TBX10: variants seen among roughly 807,000 people sequenced by gnomAD.
The protein encoded by TBX10 is T-box transcription factor 10, also known as T-box transcription factor TBX10.
Under a neutral mutation model 32.4 loss-of-function variants are expected in TBX10, and 26 were observed. The ratio of observed to expected loss-of-function variants is 0.80; its 90% confidence interval spans 0.59 to 1.11. The LOEUF is 1.11. Ranked by LOEUF, TBX10 falls within the 50% of genes most tolerant of loss-of-function variation. TBX10 has a pLI of 0.00. For missense variants in TBX10, 490 were observed against 494.5 expected, an observed-to-expected ratio of 0.99 and a Z score of 0.09; for synonymous variants, 195 against 203.1, an observed-to-expected ratio of 0.96 and a Z score of 0.34.
Position 67,633,052 on chromosome 11 carries a change from C to T in TBX10, c.601G>A (p.Val201Met), listed in dbSNP as rs376880264. 23 of 1,614,018 alleles carry T rather than the reference C, an allele frequency of 1.4e-5. No individual in the cohort carries two copies. The highest frequency in any genetic ancestry group is 2.7e-5 in the African/African-American group (2 of 74,930). Reference sequence around the variant, plus strand: ...CGCTCACTGTCCTTGCGTGGGTCCACGAAGACCACGTGGAAACGGGGCTGG... The same window carrying T: ...CGCTCACTGTCCTTGCGTGGGTCCATGAAGACCACGTGGAAACGGGGCTGG... ...RYQPRFHVVFVDPRKDSERYA... is the reference protein window; with the variant it reads ...RYQPRFHVVFMDPRKDSERYA... Residue 201 changes from valine to methionine, a missense_variant, in exon 5 of 8, where the codon GTG becomes ATG. Transcript: ENST00000335385.
At chr11:67,634,501 A>G in intron 3 of TBX10, 141 bp from the exon 4 acceptor site, 3 of 1,050,742 alleles carry the variant, frequency 2.9e-6, no homozygotes, top group Admixed American at 2.1e-5. Context: ...CCAAGGCTCA[A>G]GAGAATCCTG....
Position 67,639,541 on chromosome 11 carries a change from A to G in TBX10, c.-69T>C, listed in dbSNP as rs1855376115. 1.9e-6 allele frequency: 3 copies of G among 1,607,350 alleles called. No homozygotes were observed. Among genetic ancestry groups the G allele is most frequent in the Non-Finnish European group, 2.5e-6 (3 of 1,176,504 alleles). On this transcript the variant is annotated 5_prime_UTR_variant, in exon 1 of 8. Transcript: ENST00000335385. ...CTGGGGCTGGGAACCTGCCTGCTGG[A>G]AGGGGTGGTCACCACTCGTCCACTC...
At position 67,631,446 on chromosome 11, in the gene TBX10, C is replaced by A; in HGVS notation, c.*159G>T. On this transcript the variant is annotated 3_prime_UTR_variant, in exon 8 of 8. Transcript: ENST00000335385. ...GGTTCCAAGCTTGCCATGGTCCCAG[C>A]CTTGCTGTGACCCTGGGCAGGTAGC... 1 of 928,972 alleles carries A rather than the reference C, an allele frequency of 1.1e-6. No homozygotes were observed. The highest frequency in any genetic ancestry group is 1.6e-6 in the Non-Finnish European group (1 of 620,980). 57.5% of individuals were successfully genotyped at this position (928,972 alleles called of 1,614,324 possible). A position where few individuals can be genotyped will look rare whatever the true frequency, so the allele number is the denominator to read the frequency against.
At chr11:67,632,441 G>C (rs754427865) in intron 6 of TBX10, 29 bp from the exon 7 acceptor site, 1 of 1,604,646 alleles carries the variant, frequency 6.2e-7, no homozygotes, top group South Asian at 1.1e-5. Flanking sequence ...ATGGGGGGAG[G>C]GGATCAAGGG....
At chr11:67,635,423 G>A (rs1218933545) in intron 1 of TBX10, among the ~76,000 whole-genome samples, 160 bp from the exon 2 acceptor site, 2 of 152,194 alleles carry the variant, frequency 1.3e-5, no homozygotes, top group Non-Finnish European at 2.9e-5. Context: ...TGAGGTAAAT[G>A]CTCACTTAAA....
At chr11:67,636,741 G>A (rs568933777) in intron 1 of TBX10, among the ~76,000 whole-genome samples, 3 of 150,894 alleles carry the variant, frequency 2.0e-5, no homozygotes, top group African/African-American at 4.9e-5. Context: ...CAGGTGATTT[G>A]CCCACCTCAG....
At position 67,633,117 on chromosome 11, in the gene TBX10, A is replaced by G; in HGVS notation, c.550-14T>C. On this transcript the variant is annotated splice_polypyrimidine_tract_variant and intron_variant, in intron 4 of 7. Coordinates refer to ENST00000335385, the MANE Select transcript of TBX10 (RefSeq NM_005995.5). The stretch of plus-strand genomic sequence containing the variant: ...GTTGAGAATGATCTGTGGAAGGGAC[A>G]GAGCAGGGGTACAGGGGTGAGGCGG... 3 of 1,612,870 alleles carry G rather than the reference A, an allele frequency of 1.9e-6. No individual in the cohort carries two copies. Among genetic ancestry groups the G allele is most frequent in the Non-Finnish European group, 1.7e-6 (2 of 1,179,134 alleles).
Position 67,631,425 on chromosome 11 carries a change from C to A in TBX10, c.*180G>T, listed in dbSNP as rs1284442167. On this transcript the variant is annotated 3_prime_UTR_variant, in exon 8 of 8. Coordinates refer to ENST00000335385, the MANE Select transcript of TBX10 (RefSeq NM_005995.5). ...GGGTTGGGAGATAGAAGTCCTGGTT[C>A]CAAGCTTGCCATGGTCCCAGCCTTG... The A allele has an allele frequency of 1.3e-6, 1 of 762,220 alleles. No individual in the cohort carries two copies. Among genetic ancestry groups the A allele is most frequent in the Non-Finnish European group, 2.1e-6 (1 of 482,566 alleles). The allele number at this position is 762,220 out of a possible 1,614,324, so 47.2% of individuals were successfully genotyped here. A position where few individuals can be genotyped will look rare whatever the true frequency, so the allele number is the denominator to read the frequency against.
chr11:67,637,728 T>C (rs1855350412), intron 1 of TBX10, among the ~76,000 whole-genome samples: 1 of 150,782 alleles, frequency 6.6e-6, no homozygotes, highest in Non-Finnish European at 1.5e-5. Flanking sequence ...ATAAAATATA[T>C]TGATTTTTTT....
At chr11:67,636,073 CT>C (rs60139069) in intron 1 of TBX10, among the ~76,000 whole-genome samples, 35,317 of 97,950 alleles carry the variant, frequency 0.36, 5,324 homozygotes, top group East Asian at 0.51. Flanking sequence ...ATTAGAACTC[CT>C]TTTTTTTTTT....
Position 67,635,148 on chromosome 11 carries a change from G to A in TBX10, c.123C>T (p.Thr41=), listed in dbSNP as rs553498644. The change falls in exon 2 of 8, where the codon ACC becomes ACT. Residue 41 remains threonine (T), a synonymous_variant. Coordinates refer to ENST00000335385, the MANE Select transcript of TBX10 (RefSeq NM_005995.5). ...LGSPFPSGPC[T]SSTGAQAVAE... is the part of the protein sequence containing the mutation. ...CCACAGCTTGGGCCCCAGTAGAGCT[G>A]GTGCAAGGGCCTGATGGGAATGGTG... is the stretch of plus-strand genomic sequence containing the variant. 45 of 1,613,824 alleles carry A rather than the reference G, an allele frequency of 2.8e-5. No homozygotes were observed. In the East Asian group the frequency reaches 4.0e-4, roughly 14 times the overall value.
chr11:67,634,096 G>A, intron 4 of TBX10, 93 bp downstream of exon 4: 1 of 1,564,154 alleles, frequency 6.4e-7, no homozygotes, highest in Non-Finnish European at 8.7e-7. Flanking sequence ...TCAGCAGCAG[G>A]CAGAGGTGCT....
chr11:67,639,393 T>TAGCCC, intron 1 of TBX10, 73 bp downstream of exon 1: 1 of 726,926 alleles, frequency 1.4e-6, no homozygotes, highest in Non-Finnish European at 2.5e-6. Context: ...CTGTCTTGGT[T>TAGCCC]CCCACCCTGC....
chr11:67,639,836 T>C (rs1453308664), upstream of TBX10, among the ~76,000 whole-genome samples: 2 of 152,112 alleles, frequency 1.3e-5, no homozygotes, highest in Admixed American at 6.5e-5. Flanking sequence ...TCCCTCCTTG[T>C]CCTCCCTCTT....
chr11:67,632,129 C>T (rs927634917), intron 7 of TBX10, among the ~76,000 whole-genome samples, 189 bp downstream of exon 7: 1 of 152,232 alleles, frequency 6.6e-6, no homozygotes, highest in Admixed American at 6.5e-5. Flanking sequence ...GCCTGGCACC[C>T]CCTGCCTGTG....
At chr11:67,641,096 C>G (rs79660769), upstream of TBX10, among the ~76,000 whole-genome samples, 1 of 152,072 alleles carries the variant, frequency 6.6e-6, no homozygotes, top group Non-Finnish European at 1.5e-5. Flanking sequence ...GTGTAGTCAT[C>G]TGCCCTGGCC....
In TBX10 at chr11:67,634,158, C is replaced by G. The variant is rs756202843; in HGVS notation, c.549+31G>C. ...GTCCCTACCAGCCCTGACCCCAGGC[C>G]CTTCCGTCCCCACCGTGGCCCCGGC... On this transcript the variant is annotated intron_variant, in intron 4 of 7. Coordinates refer to ENST00000335385, the MANE Select transcript of TBX10 (RefSeq NM_005995.5). 2.5e-6 allele frequency: 4 copies of G among 1,609,808 alleles called. No individual in the cohort carries two copies. The East Asian group carries it at 8.9e-5, about 36-fold the overall frequency.
At position 67,634,215 on chromosome 11, in the gene TBX10, T is replaced by C; in HGVS notation, c.523A>G (p.Asn175Asp). ...TGGCCATTGTCATCCAGCAGGTTGTTGGTCAGCTTGAGCTTGTCAAAGGAC... is the reference window on the plus strand; with the variant it reads ...TGGCCATTGTCATCCAGCAGGTTGTCGGTCAGCTTGAGCTTGTCAAAGGAC... ...IVSFDKLKLT[N>D]NLLDDNGHII... Residue 175 changes from asparagine (N) to aspartate (D), a missense_variant, in exon 4 of 8, where the codon AAC (asparagine) becomes GAC (aspartate). Physicochemically the swap from Asn to Asp is conservative, Grantham distance 23. This residue lies in a region of TBX10 where 307 missense variants were observed against 294.9 expected (regional missense o/e 1.04). Coordinates refer to ENST00000335385, the MANE Select transcript of TBX10 (RefSeq NM_005995.5). The C allele has an allele frequency of 6.2e-7, 1 of 1,613,234 alleles. No homozygotes were observed. Among genetic ancestry groups the C allele is most frequent in the Non-Finnish European group, 8.5e-7 (1 of 1,179,982 alleles).
At chr11:67,641,525 A>G (rs1855405854), upstream of TBX10, among the ~76,000 whole-genome samples, 1 of 152,134 alleles carries the variant, frequency 6.6e-6, no homozygotes, top group Non-Finnish European at 1.5e-5. Context: ...CTTGCCTGCC[A>G]GCCTGTCCCT....
Sources: allele counts gnomAD v4.1 joint callset (sites outside exome capture counted in the v4.1 genomes callset), GRCh38; gene constraint gnomAD v4.1.1; regional missense constraint gnomAD v4.1.1; transcripts MANE v1.5; gene names NCBI Gene and HGNC (gene_info 2026-07-23, HGNC 2026-07-21).